Variants in ROBO1 observed in about 807,000 individuals in gnomAD.
ROBO1 encodes roundabout homolog 1.
Under a neutral mutation model 195.9 loss-of-function variants are expected in ROBO1, and 149 were observed. The observed-to-expected ratio is 0.76, with a 90% confidence interval of 0.67 to 0.87. The LOEUF (loss-of-function observed/expected upper bound fraction) is 0.87, where lower values mean the gene tolerates loss of function less well. ROBO1 is among the 40% of genes least tolerant of loss of function. ROBO1 has a pLI of 0.00. For synonymous variants in ROBO1, 816 were observed against 733.2 expected (o/e 1.11, Z -1.82); for missense variants, 1,933 against 2,068.3 (o/e 0.93, Z 1.27).
At chr3:78,749,408 T>C (rs962028761) in intron 4 of ROBO1, among the ~76,000 whole-genome samples, 6 of 152,138 alleles carry the variant, frequency 3.9e-5, no homozygotes, top group African/African-American at 1.4e-4. Context: ...TTTTATAATA[T>C]ATAATGAAAA....
intron 4 of ROBO1, among the ~76,000 whole-genome samples, chr3:78,827,577 T>C (rs2108718833): frequency 6.6e-6 from 1 of 151,080 alleles, no homozygotes; most frequent in East Asian, 1.9e-4. Context: ...TGTGTGTGTG[T>C]GCTTGTGTTC....
At chr3:79,756,937 T>C (rs111231145) in intron 1 of ROBO1, among the ~76,000 whole-genome samples, 3,654 of 152,294 alleles carry the variant, frequency 0.024, 95 homozygotes, top group Admixed American at 0.073. Flanking sequence ...CATATTTTAT[T>C]TATCATAATG....
intron 1 of ROBO1, among the ~76,000 whole-genome samples, chr3:79,742,556 C>A (rs894055695): frequency 6.6e-6 from 1 of 152,168 alleles, no homozygotes; most frequent in Non-Finnish European, 1.5e-5. Context: ...TATGTGCTTG[C>A]TTCCCCTTCA....
At chr3:79,386,808 A>G (rs2036765837) in intron 2 of ROBO1, among the ~76,000 whole-genome samples, 1 of 152,128 alleles carries the variant, frequency 6.6e-6, no homozygotes, top group African/African-American at 2.4e-5. Context: ...TCCTCAGTGC[A>G]GTGGAGTACC....
At chr3:78,614,888 A>G (rs1294274603) in intron 27 of ROBO1, 88 bp from the exon 28 acceptor site, 28 of 1,290,330 alleles carry the variant, frequency 2.2e-5, no homozygotes, top group Non-Finnish European at 2.8e-5. Flanking sequence ...CATTAAAACC[A>G]GAAACAGCTT....
At chr3:79,206,866 T>C (rs1193635322) in intron 2 of ROBO1, among the ~76,000 whole-genome samples, 2 of 152,200 alleles carry the variant, frequency 1.3e-5, no homozygotes, top group Non-Finnish European at 2.9e-5. Context: ...ATTTTAGAGA[T>C]AATTTCATTA....
chr3:78,736,328 CAT>C (rs533412783), intron 5 of ROBO1, among the ~76,000 whole-genome samples: 48 of 152,160 alleles, frequency 3.2e-4, no homozygotes, highest in Non-Finnish European at 5.4e-4. Context: ...GGTGGACTTT[CAT>C]ATGTTTTATG....
At chr3:79,751,061 A>C (rs1704110695) in intron 1 of ROBO1, among the ~76,000 whole-genome samples, 1 of 152,240 alleles carries the variant, frequency 6.6e-6, no homozygotes, top group Non-Finnish European at 1.5e-5. Context: ...GCTTGAAGAA[A>C]TATTCTTCTT....
intron 4 of ROBO1, among the ~76,000 whole-genome samples, chr3:78,903,980 TATCTC>T (rs773348790): frequency 2.6e-5 from 4 of 152,074 alleles, no homozygotes; most frequent in Middle Eastern, 3.2e-3. Flanking sequence ...AAAATTTTCT[TATCTC>T]AGAACACTGT....
At chr3:79,197,202 T>C (rs2108769371) in intron 2 of ROBO1, among the ~76,000 whole-genome samples, 1 of 151,856 alleles carries the variant, frequency 6.6e-6, no homozygotes, top group African/African-American at 2.4e-5. Context: ...ACCCCACCCC[T>C]GATAGACCCT....
At chr3:79,393,648 CT>C (rs997150048) in intron 2 of ROBO1, among the ~76,000 whole-genome samples, 1 of 152,098 alleles carries the variant, frequency 6.6e-6, no homozygotes, top group African/African-American at 2.4e-5. Flanking sequence ...CTAAGTCATT[CT>C]TCACAAGTGG....
intron 2 of ROBO1, among the ~76,000 whole-genome samples, chr3:79,295,345 A>C (rs1340372910): frequency 1.3e-5 from 2 of 152,214 alleles, no homozygotes; most frequent in Non-Finnish European, 2.9e-5. Context: ...AAACTAACAC[A>C]GGAACATAAA....
At chr3:78,804,765 G>GA (rs36051020) in intron 4 of ROBO1, among the ~76,000 whole-genome samples, 16 of 138,058 alleles carry the variant, frequency 1.2e-4, no homozygotes, top group African/African-American at 3.2e-4. Context: ...CAAAAGGAAA[G>GA]AAAAAAAAAA....
At chr3:79,319,504 A>C (rs1348483790) in intron 2 of ROBO1, among the ~76,000 whole-genome samples, 2 of 152,138 alleles carry the variant, frequency 1.3e-5, no homozygotes, top group African/African-American at 2.4e-5. Flanking sequence ...TCCATTTAAT[A>C]AGATTCTTGT....
At chr3:78,877,175 A>G (rs914131730) in intron 4 of ROBO1, among the ~76,000 whole-genome samples, 76 of 152,198 alleles carry the variant, frequency 5.0e-4, no homozygotes, top group Non-Finnish European at 1.0e-4. Context: ...TTGTAATACT[A>G]GACTTGGTAA....
Position 79,087,026 on chromosome 3 carries a change from C to G in ROBO1, c.172+38430G>C, listed in dbSNP as rs139098829. Among the ~76,000 whole-genome samples, 276 of 151,914 alleles carry G rather than the reference C, an allele frequency of 1.8e-3. 2 individuals carry two copies. The highest frequency in any genetic ancestry group is 3.3e-3 in the Non-Finnish European group (226 of 67,934). ...TATGTACCTTTAATAATTACTGCAG[C>G]TGCTAGTGATGTTATTAAAAATTAT... On this transcript the variant is annotated intron_variant, in intron 3 of 30. Transcript: ENST00000464233.
At chr3:78,901,174 A>G (rs2037560722) in intron 4 of ROBO1, among the ~76,000 whole-genome samples, 1 of 152,216 alleles carries the variant, frequency 6.6e-6, no homozygotes, top group Non-Finnish European at 1.5e-5. Flanking sequence ...TTGCTTGTGT[A>G]AGAAATATAA....
intron 1 of ROBO1, among the ~76,000 whole-genome samples, chr3:79,692,467 G>T (rs1255536227): frequency 6.6e-6 from 1 of 151,852 alleles, no homozygotes; most frequent in Admixed American, 6.6e-5. Context: ...ACAGGAGCAA[G>T]TAGAAGGAAA....
At chr3:79,124,029 A>G (rs2108568669) in intron 3 of ROBO1, among the ~76,000 whole-genome samples, 1 of 152,238 alleles carries the variant, frequency 6.6e-6, no homozygotes, top group Non-Finnish European at 1.5e-5. Flanking sequence ...GGTGAGTACA[A>G]GGGAATAGAA....
Sources: allele counts gnomAD v4.1 joint callset (sites outside exome capture counted in the v4.1 genomes callset), GRCh38; gene constraint gnomAD v4.1.1; transcripts MANE v1.5; gene names NCBI Gene and HGNC (gene_info 2026-07-23, HGNC 2026-07-21).